TMEM40: variants seen among roughly 807,000 people sequenced by gnomAD.
TMEM40 encodes the protein transmembrane protein 40.
TMEM40 carries 34 observed loss-of-function variants against 40.8 expected under a neutral mutation model. That is an observed-to-expected ratio of 0.83 (90% CI 0.63 to 1.11). The LOEUF (loss-of-function observed/expected upper bound fraction) is 1.11, where lower values mean the gene tolerates loss of function less well. Ranked by LOEUF, TMEM40 falls within the 50% of genes least tolerant of loss-of-function variation. TMEM40 has a pLI of 0.00. For synonymous variants in TMEM40, 106 were observed against 107.0 expected (o/e 0.99, Z 0.06); for missense variants, 296 against 280.2 (o/e 1.06, Z -0.40).
At chr3:12,738,311 A>G in intron 6 of TMEM40, 143 bp from the exon 7 acceptor site, 1 of 1,054,870 alleles carries the variant, frequency 9.5e-7, no homozygotes, top group Non-Finnish European at 1.4e-6. Context: ...CTCTCTATTG[A>G]TGGCTGGTTG....
chr3:12,753,977 G>A (rs1294268575), intron 1 of TMEM40, among the ~76,000 whole-genome samples: 1 of 152,124 alleles, frequency 6.6e-6, no homozygotes, highest in Non-Finnish European at 1.5e-5. Context: ...AACCAGGAGG[G>A]AGGCAGACTG....
At chr3:12,762,835 C>T (rs1285613917), upstream of TMEM40, among the ~76,000 whole-genome samples, 1 of 152,128 alleles carries the variant, frequency 6.6e-6, no homozygotes, top group Non-Finnish European at 1.5e-5. Flanking sequence ...TTTAAATAAG[C>T]CCCACTGGAC....
At chr3:12,761,029 A>G (rs776182295), upstream of TMEM40, among the ~76,000 whole-genome samples, 22 of 152,246 alleles carry the variant, frequency 1.4e-4, no homozygotes, top group Non-Finnish European at 3.1e-4. Context: ...AAGCCACTGC[A>G]TCTGGCCCTC....
intron 5 of TMEM40, among the ~76,000 whole-genome samples, chr3:12,740,497 C>T (rs1241486002): frequency 3.4e-5 from 5 of 145,676 alleles, no homozygotes; most frequent in African/African-American, 1.0e-4. Flanking sequence ...TTCAGGAGAT[C>T]GAGACCATCC....
upstream of TMEM40, among the ~76,000 whole-genome samples, chr3:12,762,809 G>T (rs2061578253): frequency 6.6e-6 from 1 of 152,152 alleles, no homozygotes. Context: ...TCCAGGAGTG[G>T]GACCTAGAAT....
Position 12,734,678 on chromosome 3 carries a change from G to A in TMEM40, c.*96C>T. On this transcript the variant is annotated 3_prime_UTR_variant, in exon 12 of 12. Transcript: ENST00000314124. ...GTTTATTGGTCTGGCTTGGTCTCCT[G>A]TGCGTCTCTCAGAATGCTGCTCTGC... is the stretch of plus-strand genomic sequence containing the variant. 3 of 1,414,618 alleles carry A rather than the reference G, an allele frequency of 2.1e-6. No homozygotes were observed. Among genetic ancestry groups the A allele is most frequent in the Non-Finnish European group, 1.9e-6 (2 of 1,032,896 alleles). 87.6% of individuals were successfully genotyped at this position (1,414,618 alleles called of 1,614,324 possible).
chr3:12,736,772 T>C lies in TMEM40; in HGVS notation c.536A>G (p.Tyr179Cys), dbSNP rs762034501. ...AGGGCACCTCCCCTCACCTGCGTAA[T>C]AGTGATAACACACCAGCAAGGCCCC... The part of the protein sequence containing the change: ...AIGALLVCYH[Y>C]YADWFMSLGV... Residue 179 changes from tyrosine (Y) to cysteine (C), a missense_variant, in exon 9 of 12, where the codon TAT becomes TGT. Tyr to Cys is a radical substitution (Grantham distance 194, BLOSUM62 -2). Coordinates refer to ENST00000314124, the MANE Select transcript of TMEM40 (RefSeq NM_018306.4). The C allele has an allele frequency of 1.4e-5, 23 of 1,613,946 alleles. No individual in the cohort carries two copies. In the South Asian group the frequency reaches 2.4e-4, roughly 17 times the overall value.
chr3:12,745,040 A>G (rs183731334), intron 3 of TMEM40, among the ~76,000 whole-genome samples: 21 of 152,294 alleles, frequency 1.4e-4, no homozygotes, highest in Non-Finnish European at 2.8e-4. Context: ...ATAAAGAAAT[A>G]TAGAAAATAA....
At chr3:12,739,292 T>C (rs2061362857) in intron 5 of TMEM40, 1 of 152,034 alleles carries the variant, frequency 6.6e-6, no homozygotes, top group Admixed American at 6.6e-5. Flanking sequence ...GATATATATA[T>C]ATATTTTTTT....
rs2061358437 is a variant in TMEM40 at position 12,738,751 on chromosome 3, G to A, written c.356-163C>T. The A allele has an allele frequency of 3.1e-6, 2 of 652,318 alleles. 1 individual carries two copies. The highest frequency in any genetic ancestry group is 3.6e-5 in the South Asian group (2 of 55,454). The allele number at this position is 652,318 out of a possible 1,614,324, so 40.4% of individuals were successfully genotyped here. A position where few individuals can be genotyped will look rare whatever the true frequency, so the allele number is the denominator to read the frequency against. On this transcript the variant is annotated intron_variant, in intron 5 of 11. Coordinates refer to ENST00000314124, the MANE Select transcript of TMEM40 (RefSeq NM_018306.4). ...GAGGGTTCCTGTTCCAACTAAAGGG[G>A]CAGCCACCACCCACCAGCCACAGAA...
intron 1 of TMEM40, among the ~76,000 whole-genome samples, chr3:12,757,517 G>A (rs1054863116): frequency 6.6e-5 from 10 of 151,186 alleles, no homozygotes; most frequent in African/African-American, 2.4e-4. Context: ...CATTAGGGAA[G>A]TGCAAATCAA....
intron 8 of TMEM40, among the ~76,000 whole-genome samples, chr3:12,737,231 G>T (rs1261458129): frequency 6.7e-6 from 1 of 149,956 alleles, no homozygotes; most frequent in African/African-American, 2.5e-5. Context: ...GAGCACCATG[G>T]TCTTTCCTCT....
Position 12,736,670 on chromosome 3 carries a change from G to C in TMEM40, c.545-18C>G. On this transcript the variant is annotated intron_variant, in intron 9 of 11. Coordinates refer to ENST00000314124, the MANE Select transcript of TMEM40 (RefSeq NM_018306.4). ...GAACCAGTCTGGAAGGGCAGTGAGG[G>C]AGGGAATGGTCAGCCTCCAGGTCTT... 1 of 1,612,024 alleles carries C rather than the reference G, an allele frequency of 6.2e-7. No individual in the cohort carries two copies. The highest frequency in any genetic ancestry group is 8.5e-7 in the Non-Finnish European group (1 of 1,178,918).
In TMEM40 at chr3:12,738,423, G is replaced by A. The variant is rs569340679; in HGVS notation, c.391+130C>T. The A allele has an allele frequency of 4.6e-5, 52 of 1,132,730 alleles. No individual in the cohort carries two copies. The South Asian group carries it at 5.7e-4, about 12-fold the overall frequency. The allele number at this position is 1,132,730 out of a possible 1,614,324, so 70.2% of individuals were successfully genotyped here. On this transcript the variant is annotated intron_variant, in intron 6 of 11. Coordinates refer to ENST00000314124, the MANE Select transcript of TMEM40 (RefSeq NM_018306.4). Reference sequence around the variant, plus strand: ...AGCCTGCTTGATGAGCCTAGGCTAAGTGGACCTGGGGCTCCTGTTTCTCAG... The same window carrying A: ...AGCCTGCTTGATGAGCCTAGGCTAAATGGACCTGGGGCTCCTGTTTCTCAG...
chr3:12,735,656 C>A (rs774240760), intron 10 of TMEM40, 39 bp from the exon 11 acceptor site: 22 of 1,586,622 alleles, frequency 1.4e-5, no homozygotes, highest in Non-Finnish European at 1.0e-5. Context: ...TAAGTTTGTG[C>A]CCCAACAAGG....
At chr3:12,751,453 T>C (rs2061475417) in intron 1 of TMEM40, among the ~76,000 whole-genome samples, 2 of 151,900 alleles carry the variant, frequency 1.3e-5, no homozygotes, top group East Asian at 3.9e-4. Context: ...CTAATTTTTG[T>C]ATTTTTAGTA....
chr3:12,751,760 T>G (rs2061478896), intron 1 of TMEM40, among the ~76,000 whole-genome samples: 1 of 152,194 alleles, frequency 6.6e-6, no homozygotes, highest in Non-Finnish European at 1.5e-5. Flanking sequence ...ACATATTCAT[T>G]GGCTGAGATC....
chr3:12,738,137 A>C lies in TMEM40; in HGVS notation c.423T>G (p.Ser141Arg). The C allele has an allele frequency of 1.2e-6, 2 of 1,613,800 alleles. No homozygotes were observed. Among genetic ancestry groups the C allele is most frequent in the Non-Finnish European group, 1.7e-6 (2 of 1,179,946 alleles). ...TCCTATTTGAGCTTGTGTATTTACC[A>C]CTTGCTGGGTCAGAGCCTCTCCTTC... Reference protein sequence around the residue: ...GLRRRGSDPASGEVEASQLRR... With the variant: ...GLRRRGSDPARGEVEASQLRR... The change falls in exon 7 of 12, where the codon AGT becomes AGG. Residue 141 changes from serine (S) to arginine (R), a missense_variant and splice_region_variant. Transcript: ENST00000314124.
intron 3 of TMEM40, among the ~76,000 whole-genome samples, chr3:12,747,269 T>C (rs2061436388): frequency 6.6e-6 from 1 of 151,816 alleles, no homozygotes; most frequent in Non-Finnish European, 1.5e-5. Flanking sequence ...GAGATCATAG[T>C]GCAGGAGCTC....
Sources: gnomAD v4.1 joint callset for allele counts (sites outside exome capture counted in the v4.1 genomes callset) on GRCh38, gnomAD v4.1.1 for gene constraint, MANE v1.5 for transcripts, NCBI Gene and HGNC (gene_info 2026-07-23, HGNC 2026-07-21) for gene names.